CACNB1: variants seen among roughly 807,000 people sequenced by gnomAD.
CACNB1 encodes the protein voltage-dependent L-type calcium channel subunit beta-1.
CACNB1 carries 29 observed loss-of-function variants against 71.6 expected under a neutral mutation model. The ratio of observed to expected loss-of-function variants is 0.40; its 90% CI spans 0.30 to 0.55. The LOEUF (loss-of-function observed/expected upper bound fraction) is 0.55. Among genes scored for constraint, CACNB1 ranks in the 20% least tolerant of loss-of-function variants. The pLI is 0.38. For missense variants in CACNB1, 623 were observed against 801.8 expected, an observed-to-expected ratio of 0.78 and a Z score of 2.69; for synonymous variants, 300 against 319.6, an observed-to-expected ratio of 0.94 and a Z score of 0.65.
chr17:39,179,637 A>C (rs1312668027), intron 11 of CACNB1, among the ~76,000 whole-genome samples: 1 of 150,884 alleles, frequency 6.6e-6, no homozygotes, highest in East Asian at 1.9e-4. Context: ...AGTGGCTCAC[A>C]CCTGTAATCC....
In CACNB1 at chr17:39,175,579, C is replaced by T. The variant is rs746595958; in HGVS notation, c.1411G>A (p.Glu471Lys). The T allele has an allele frequency of 3.1e-6, 5 of 1,611,188 alleles. No homozygotes were observed. In the African/African-American group the frequency reaches 4.0e-5, roughly 13 times the overall value. ...TAAAGGCCTGGGGGCTGGCCCAGCT[C>T]CCCTGGGTACTCGTGCATGCTGGCG... The part of the protein sequence containing the change: ...EHASMHEYPG[E>K]LGQPPGLYPS... The change falls in exon 14 of 14, where the codon GAG becomes AAG. Residue 471 changes from glutamate (E) to lysine (K), a missense_variant. By Grantham distance (56) the Glu-to-Lys change is moderately conservative. Coordinates refer to ENST00000394303, the MANE Select transcript of CACNB1 (RefSeq NM_000723.5). The surrounding 1 kb of genome is among the most constrained non-coding windows in gnomAD (Gnocchi z 4.7).
At chr17:39,197,304 C>T in intron 1 of CACNB1, 108 bp downstream of exon 1, 1 of 625,918 alleles carries the variant, frequency 1.6e-6, no homozygotes, top group Non-Finnish European at 2.5e-6. Flanking sequence ...ATCCCTCTCT[C>T]CTCCGCGCCC....
At chr17:39,190,673 C>CT (rs1227660324) in intron 3 of CACNB1, among the ~76,000 whole-genome samples, 1 of 151,590 alleles carries the variant, frequency 6.6e-6, no homozygotes, top group Non-Finnish European at 1.5e-5. Flanking sequence ...AGTGATCCGC[C>CT]CAACCGGGCC....
At chr17:39,195,471 C>A (rs1408968958) in intron 1 of CACNB1, among the ~76,000 whole-genome samples, 1 of 152,142 alleles carries the variant, frequency 6.6e-6, no homozygotes, top group Non-Finnish European at 1.5e-5. Context: ...AGGGCCCAGC[C>A]TGGCTTCTCC....
intron 11 of CACNB1, 35 bp from the exon 12 acceptor site, chr17:39,178,114 G>C (rs1457051030): frequency 1.3e-6 from 2 of 1,524,984 alleles, no homozygotes; most frequent in African/African-American, 1.4e-5. Context: ...AGAGGAGCTA[G>C]AGGGACTCAG....
intron 3 of CACNB1, among the ~76,000 whole-genome samples, chr17:39,190,382 CAGAG>C (rs1567809331): frequency 6.6e-6 from 1 of 152,102 alleles, no homozygotes; most frequent in Non-Finnish European, 1.5e-5. Context: ...GCCTGAGTGA[CAGAG>C]AGAGACCCTG....
intron 8 of CACNB1, 24 bp downstream of exon 8, chr17:39,184,760 C>A (rs1218381099): frequency 6.6e-7 from 1 of 1,519,852 alleles, no homozygotes; most frequent in Non-Finnish European, 9.1e-7. Flanking sequence ...CCCTCTGCAT[C>A]CACTCCCCTC....
At chr17:39,195,992 C>T (rs2046194268) in intron 1 of CACNB1, among the ~76,000 whole-genome samples, 1 of 152,176 alleles carries the variant, frequency 6.6e-6, no homozygotes, top group Non-Finnish European at 1.5e-5. Flanking sequence ...AGAAGAGCTG[C>T]TTCTGGCCCT....
At chr17:39,189,777 C>T (rs898933487) in intron 3 of CACNB1, among the ~76,000 whole-genome samples, 9 of 151,380 alleles carry the variant, frequency 5.9e-5, no homozygotes, top group Non-Finnish European at 1.0e-4. Flanking sequence ...GGATTACAGG[C>T]GTGAGCCACC....
intron 11 of CACNB1, among the ~76,000 whole-genome samples, chr17:39,180,686 A>G (rs2045732979): frequency 6.6e-6 from 1 of 152,112 alleles, no homozygotes; most frequent in African/African-American, 2.4e-5. Flanking sequence ...AAAGAAAGAT[A>G]AAAGTAAATG....
At chr17:39,193,030 C>T (rs539933215) in intron 2 of CACNB1, 12 of 162,038 alleles carry the variant, frequency 7.4e-5, no homozygotes, top group East Asian at 1.9e-4. Flanking sequence ...AGGCACTCAC[C>T]GACCCCAACA....
intron 3 of CACNB1, among the ~76,000 whole-genome samples, chr17:39,188,876 T>C (rs1424812068): frequency 6.6e-6 from 1 of 151,758 alleles, no homozygotes; most frequent in Non-Finnish European, 1.5e-5. Context: ...AAACTCTGTC[T>C]CTACTAAAAA....
chr17:39,180,736 C>T (rs779443788), intron 11 of CACNB1, among the ~76,000 whole-genome samples: 1 of 151,826 alleles, frequency 6.6e-6, no homozygotes, highest in Non-Finnish European at 1.5e-5. Context: ...AGACTGTACA[C>T]TTAATTTATT....
In CACNB1 at chr17:39,175,115, C is replaced by T. The variant is rs878882337; in HGVS notation, c.*78G>A. ...AGACAGCGCCCCCTGGAGGCGAATA[C>T]ATGTCAGGTGTGAGCCCCTCGCTCC... is the stretch of plus-strand genomic sequence containing the variant. On this transcript the variant is annotated 3_prime_UTR_variant, in exon 14 of 14. Transcript: ENST00000394303. This position sits in a 1 kb window ranked among gnomAD's most constrained non-coding sequence, Gnocchi z 4.7. 2 of 1,170,022 alleles carry T rather than the reference C, an allele frequency of 1.7e-6. No homozygotes were observed. Among genetic ancestry groups the T allele is most frequent in the South Asian group, 1.5e-5 (1 of 68,652 alleles). 72.5% of individuals were successfully genotyped at this position (1,170,022 alleles called of 1,614,324 possible).
At chr17:39,177,017 TA>T (rs1424764944) in intron 13 of CACNB1, 2 of 909,000 alleles carry the variant, frequency 2.2e-6, no homozygotes, top group Admixed American at 7.1e-5. Flanking sequence ...TCCCTTGTCT[TA>T]AAAGCGCTCC....
chr17:39,175,751 T>A lies in CACNB1; in HGVS notation c.1333-94A>T. ...GCAAGTTAGTGACAGCATTAAGAGG[T>A]CCGGCCTGGATGAAGAGGGTGCTGG... is the stretch of plus-strand genomic sequence containing the variant. On this transcript the variant is annotated intron_variant, in intron 13 of 13. Coordinates refer to ENST00000394303, the MANE Select transcript of CACNB1 (RefSeq NM_000723.5). This position sits in a 1 kb window ranked among gnomAD's most constrained non-coding sequence, Gnocchi z 4.7. The A allele has an allele frequency of 1.9e-6, 2 of 1,030,204 alleles. No individual in the cohort carries two copies. Among genetic ancestry groups the A allele is most frequent in the South Asian group, 1.6e-5 (1 of 62,150 alleles). The allele number at this position is 1,030,204 out of a possible 1,614,324, so 63.8% of individuals were successfully genotyped here.
intron 11 of CACNB1, 33 bp from the exon 12 acceptor site, chr17:39,178,112 T>C: frequency 6.5e-7 from 1 of 1,535,828 alleles, no homozygotes; most frequent in Non-Finnish European, 9.0e-7. Context: ...GAAGAGGAGC[T>C]AGAGGGACTC....
intron 1 of CACNB1, among the ~76,000 whole-genome samples, chr17:39,196,582 T>C (rs931838436): frequency 1.2e-4 from 18 of 152,204 alleles, no homozygotes; most frequent in African/African-American, 4.1e-4. Flanking sequence ...AGAAATCCCC[T>C]GGCGCGACCA....
At chr17:39,193,573 G>A (rs2046140745) in intron 2 of CACNB1, 1 of 397,722 alleles carries the variant, frequency 2.5e-6, no homozygotes, top group Non-Finnish European at 5.1e-6. Context: ...GTTGCTACAT[G>A]TGCAGACTGC....
Sources: allele counts gnomAD v4.1 joint callset (sites outside exome capture counted in the v4.1 genomes callset), GRCh38; gene constraint gnomAD v4.1.1; non-coding constraint Gnocchi (gnomAD v3.1); transcripts MANE v1.5; gene names NCBI Gene and HGNC (gene_info 2026-07-23, HGNC 2026-07-21).